Variants in IFT122 observed in about 807,000 individuals in gnomAD.
The protein encoded by IFT122 is intraflagellar transport 122, also known as intraflagellar transport protein 122 homolog.
A neutral mutation model predicts 161.6 loss-of-function variants in IFT122; 118 were observed. The observed-to-expected ratio is 0.73, with a 90% CI of 0.63 to 0.85. IFT122 has a LOEUF of 0.85. IFT122 is among the 40% of genes least tolerant of loss of function. The pLI, the probability that IFT122 is intolerant of heterozygous loss-of-function variation, is 0.00. For missense variants in IFT122, 1,381 were observed against 1,579.6 expected (o/e 0.87, Z 2.13); for synonymous variants, 550 against 602.4 (o/e 0.91, Z 1.27).
chr3:129,484,186 T>C (rs2079006991), intron 15 of IFT122, among the ~76,000 whole-genome samples: 2 of 151,536 alleles, frequency 1.3e-5, no homozygotes, highest in African/African-American at 4.9e-5. Context: ...AGAACAGAAA[T>C]GGGGCACTGA....
intron 18 of IFT122, among the ~76,000 whole-genome samples, chr3:129,497,776 A>T (rs2081054695): frequency 6.6e-6 from 1 of 152,134 alleles, no homozygotes; most frequent in African/African-American, 2.4e-5. Flanking sequence ...AGAAATATGT[A>T]CCTACACATT....
In IFT122 at chr3:129,500,045, T is replaced by A; in HGVS notation, c.2352T>A (p.Cys784Ter). The change falls in exon 19 of 30, where the codon TGT becomes TGA. Residue 784 changes from cysteine to a stop codon, truncating the protein, a stop_gained. Coordinates refer to ENST00000348417, the MANE Select transcript of IFT122 (RefSeq NM_052989.3). LOFTEE classifies it high-confidence loss of function. ...AGEHVKAIEI[C>*]GDHGWVDMLI... is the part of the protein sequence containing the mutation. ...AGCACGTCAAGGCCATCGAGATCTG[T>A]GGTGACCATGGCTGGGTTGACATGT... The A allele has an allele frequency of 6.2e-7, 1 of 1,614,146 alleles. No individual in the cohort carries two copies. The highest frequency in any genetic ancestry group is 8.5e-7 in the Non-Finnish European group (1 of 1,180,028).
At chr3:129,488,021 A>C (rs2079524397) in intron 15 of IFT122, 1 of 607,672 alleles carries the variant, frequency 1.6e-6, no homozygotes, top group African/African-American at 1.8e-5. Flanking sequence ...GAAGGAGGGG[A>C]GGATGGGCAG....
intron 27 of IFT122, among the ~76,000 whole-genome samples, 158 bp from the exon 28 acceptor site, chr3:129,518,949 C>T (rs2084374435): frequency 6.6e-6 from 1 of 152,232 alleles, no homozygotes; most frequent in African/African-American, 2.4e-5. Context: ...AGAGTCCCTT[C>T]CTTCTGATTC....
rs141969308 is a variant in IFT122 at position 129,463,638 on chromosome 3, T to C, written c.416+12T>C. 98 of 1,600,678 alleles carry C rather than the reference T, an allele frequency of 6.1e-5. 1 individual carries two copies. The South Asian group carries it at 1.0e-3, about 17-fold the overall frequency. The stretch of plus-strand genomic sequence containing the variant: ...ATCATCTGCTGCAGGTAAGTGCAGC[T>C]CTGACGATAAGATTTATGTTCCTTC... On this transcript the variant is annotated intron_variant, in intron 6 of 29. Coordinates refer to ENST00000348417, the MANE Select transcript of IFT122 (RefSeq NM_052989.3).
At chr3:129,514,202 C>T in intron 24 of IFT122, 187 bp from the exon 25 acceptor site, 1 of 716,694 alleles carries the variant, frequency 1.4e-6, no homozygotes, top group Non-Finnish European at 2.5e-6. Context: ...GGAAAAATTC[C>T]TGGGCCTTGC....
intron 27 of IFT122, among the ~76,000 whole-genome samples, chr3:129,518,863 A>T (rs569144244): frequency 1.3e-5 from 2 of 152,298 alleles, no homozygotes; most frequent in African/African-American, 4.8e-5. Flanking sequence ...CAGGGCCCGC[A>T]TGTGCTTCCC....
chr3:129,473,247 C>T (rs529787730), intron 9 of IFT122, among the ~76,000 whole-genome samples: 45 of 152,322 alleles, frequency 3.0e-4, no homozygotes, highest in African/African-American at 8.4e-4. Context: ...CTGCAGTGAA[C>T]TCTTACCACT....
At chr3:129,441,784 T>G (rs1185205614) in intron 1 of IFT122, among the ~76,000 whole-genome samples, 1 of 152,244 alleles carries the variant, frequency 6.6e-6, no homozygotes. Context: ...CAGTGAATCT[T>G]TCATTTGTAC....
rs767655853 is a variant in IFT122, at chr3:129,500,027, C to T, written c.2334C>T (p.Val778=). Residue 778 remains valine (V), a synonymous_variant, in exon 19 of 30, where the codon GTC becomes GTT. Coordinates refer to ENST00000348417, the MANE Select transcript of IFT122 (RefSeq NM_052989.3). The part of the protein sequence containing the change: ...VEMYISAGEH[V]KAIEICGDHG... Reference sequence around the variant, plus strand: ...TGTACATCTCAGCAGGAGAGCACGTCAAGGCCATCGAGATCTGTGGTGACC... The same window carrying T: ...TGTACATCTCAGCAGGAGAGCACGTTAAGGCCATCGAGATCTGTGGTGACC... The T allele has an allele frequency of 6.2e-7, 1 of 1,614,232 alleles. No homozygotes were observed. Among genetic ancestry groups the T allele is most frequent in the Non-Finnish European group, 8.5e-7 (1 of 1,180,044 alleles).
chr3:129,488,160 A>T (rs759566379), intron 15 of IFT122, 97 bp from the exon 16 acceptor site: 3 of 1,599,264 alleles, frequency 1.9e-6, no homozygotes, highest in Non-Finnish European at 2.6e-6. Flanking sequence ...GGCATGGGTA[A>T]TCATCCCACG....
chr3:129,478,199 A>T lies in IFT122; in HGVS notation c.1331A>T (p.Asn444Ile). 1 of 1,614,202 alleles carries T rather than the reference A, an allele frequency of 6.2e-7. No homozygotes were observed. Among genetic ancestry groups the T allele is most frequent in the Non-Finnish European group, 8.5e-7 (1 of 1,180,024 alleles). Residue 444 changes from asparagine to isoleucine, a missense_variant, in exon 12 of 30, where the codon AAT becomes ATT. Transcript: ENST00000348417. ...FECNLLVVCA[N>I]HIILCQEKRL... ...TGCAACCTCCTGGTGGTGTGTGCCA[A>T]TCACATCATCCTGTGCCAGGTGGGC...
chr3:129,476,189 A>G, intron 9 of IFT122, 126 bp from the exon 10 acceptor site: 1 of 974,774 alleles, frequency 1.0e-6, no homozygotes, highest in Non-Finnish European at 1.6e-6. Context: ...ACAGGAGAAA[A>G]GGCTGGCCAG....
At chr3:129,465,121 G>A (rs1408849229) in intron 7 of IFT122, among the ~76,000 whole-genome samples, 1 of 31,828 alleles carries the variant, frequency 3.1e-5, no homozygotes, top group Admixed American at 3.1e-4. Context: ...ATGAGTGTGT[G>A]TGTGTGTGTG....
At chr3:129,447,961 C>T (rs1013803666) in intron 1 of IFT122, among the ~76,000 whole-genome samples, 5 of 150,690 alleles carry the variant, frequency 3.3e-5, no homozygotes, top group East Asian at 4.8e-4. Context: ...TCCATTCAGA[C>T]GGTTGGGGGG....
At chr3:129,481,395 T>G in intron 13 of IFT122, 135 bp from the exon 14 acceptor site, 2 of 819,844 alleles carry the variant, frequency 2.4e-6, no homozygotes, top group Non-Finnish European at 4.1e-6. Flanking sequence ...TGATGAGTCC[T>G]TTTCCCTGCA....
At position 129,445,468 on chromosome 3, in the gene IFT122, G is replaced by A. The variant is rs185913915; in HGVS notation, c.42-4403G>A. 2.4e-3 allele frequency among the ~76,000 whole-genome samples: 370 copies of A among 152,324 alleles called. 4 individuals are homozygous for A. Among genetic ancestry groups the A allele is most frequent in the South Asian group, 2.9e-3 (14 of 4,832 alleles). ...TTCTCATCTGTGAAACAGGTATACA[G>A]TTGTTTTGAGGTTAACATGAGTTAA... On this transcript the variant is annotated intron_variant, in intron 1 of 29. Transcript: ENST00000348417.
chr3:129,499,079 C>T (rs2081233347), intron 18 of IFT122, among the ~76,000 whole-genome samples: 1 of 152,248 alleles, frequency 6.6e-6, no homozygotes, highest in African/African-American at 2.4e-5. Flanking sequence ...CCACAGCCAT[C>T]TCTTCCTTCT....
chr3:129,509,297 G>A (rs2082521621), intron 23 of IFT122, among the ~76,000 whole-genome samples: 10 of 151,992 alleles, frequency 6.6e-5, no homozygotes, highest in Admixed American at 5.9e-4. Flanking sequence ...ACCGTAGAAT[G>A]GTTGACATTG....
Sources: allele counts gnomAD v4.1 joint callset (sites outside exome capture counted in the v4.1 genomes callset), GRCh38; gene constraint gnomAD v4.1.1; transcripts MANE v1.5; gene names NCBI Gene and HGNC (gene_info 2026-07-23, HGNC 2026-07-21).